Variants in TAT observed in about 807,000 individuals in gnomAD.
TAT encodes the protein tyrosine aminotransferase.
Under a neutral mutation model 53.6 loss-of-function variants are expected in TAT, and 35 were observed. The ratio of observed to expected loss-of-function variants is 0.65; its 90% confidence interval spans 0.50 to 0.87. The LOEUF (loss-of-function observed/expected upper bound fraction) is 0.87. Among genes scored for constraint, TAT ranks in the 40% least tolerant of loss-of-function variants. The pLI, the probability that TAT is intolerant of heterozygous loss-of-function variation, is 0.00. For synonymous variants in TAT, 197 were observed against 206.5 expected (o/e 0.95, Z 0.39); for missense variants, 525 against 571.8 (o/e 0.92, Z 0.83).
rs966154658 is a variant in TAT, at chr16:71,570,741, C to T, written c.850G>A (p.Val284Ile). Residue 284 changes from valine (V) to isoleucine (I), a missense_variant, in exon 8 of 12, where the codon GTT (valine) becomes ATT (isoleucine). Coordinates refer to ENST00000355962, the MANE Select transcript of TAT (RefSeq NM_000353.3). Reference protein sequence around the residue: ...SCGGLAKRWLVPGWRLGWILI... With the variant: ...SCGGLAKRWLIPGWRLGWILI... ...ATCCAGCCCAACCTCCAGCCAGGAA[C>T]CAGCCAGCGCTTGGCCAGCCCTCCA... is the stretch of plus-strand genomic sequence containing the variant. 1.2e-6 allele frequency: 2 copies of T among 1,614,102 alleles called. No homozygotes were observed. The highest frequency in any genetic ancestry group is 1.3e-5 in the African/African-American group (1 of 74,926).
intron 5 of TAT, 34 bp downstream of exon 5, chr16:71,572,496 G>C: frequency 6.2e-7 from 1 of 1,613,870 alleles, no homozygotes; most frequent in Non-Finnish European, 8.5e-7. Flanking sequence ...GTTAGTAACT[G>C]AGCATTTGAG....
Position 71,573,557 on chromosome 16 carries a change from C to A in TAT, c.390G>T (p.Glu130Asp). 1.3e-6 allele frequency: 2 copies of A among 1,554,788 alleles called. No homozygotes were observed. Among genetic ancestry groups the A allele is most frequent in the Non-Finnish European group, 1.7e-6 (2 of 1,148,472 alleles). ...EEIASYYHCP[E>D]APLEAKDVIL... ...GGCTCACCTTAGCTTCTAGGGGTGC[C>A]TCAGGACAGTGGTAATAAGAAGCAA... The change falls in exon 4 of 12, where the codon GAG (glutamate) becomes GAT (aspartate). Residue 130 changes from glutamate (E) to aspartate (D), a missense_variant. Transcript: ENST00000355962.
chr16:71,569,790 G>A, intron 10 of TAT, 64 bp downstream of exon 10: 2 of 1,496,400 alleles, frequency 1.3e-6, no homozygotes, highest in South Asian at 1.2e-5. Flanking sequence ...TGGCAATTCT[G>A]CTGAATGACT....
intron 1 of TAT, 148 bp downstream of exon 1, chr16:71,576,861 G>C: frequency 4.1e-6 from 1 of 242,220 alleles, no homozygotes; most frequent in Non-Finnish European, 8.1e-6. Flanking sequence ...GAAGTTCCAT[G>C]TAAATATCAT....
rs1232551419 is a variant in TAT, at chr16:71,569,897, G to C, written c.1082C>G (p.Pro361Arg). Residue 361 changes from proline (P) to arginine (R), a missense_variant, in exon 10 of 12, where the codon CCT becomes CGT. Transcript: ENST00000355962. The stretch of plus-strand genomic sequence containing the variant: ...AGAAGGGCGGACTGGCCGGAGTCCA[G>C]GGATGGCAGCCAACGCCCCATAACA... ...DLCYGALAAI[P>R]GLRPVRPSGA... is the part of the protein sequence containing the mutation. 3.7e-6 allele frequency: 6 copies of C among 1,613,996 alleles called. No homozygotes were observed. In the South Asian group the frequency reaches 6.6e-5, roughly 18 times the overall value.
At chr16:71,572,465 A>G in intron 5 of TAT, 65 bp downstream of exon 5, 19 of 1,610,004 alleles carry the variant, frequency 1.2e-5, no homozygotes, top group Non-Finnish European at 1.6e-5. Flanking sequence ...TGCTGAAGTA[A>G]TGTTCATATA....
intron 2 of TAT, 53 bp from the exon 3 acceptor site, chr16:71,576,079 C>G: frequency 6.2e-7 from 1 of 1,610,344 alleles, no homozygotes; most frequent in South Asian, 1.1e-5. Flanking sequence ...CTCCCATGTT[C>G]AGTACTCAGA....
chr16:71,572,595 C>G lies in TAT; in HGVS notation c.502G>C (p.Gly168Arg). ...GCCAGAGTCTTGTAGAGAGAGAAAC[C>G]AGGTCTTGGAACCAGGATGTTTTGC... is the stretch of plus-strand genomic sequence containing the variant. ...PGQNILVPRP[G>R]FSLYKTLAES... Residue 168 changes from glycine (G) to arginine (R), a missense_variant, in exon 5 of 12, where the codon GGT (glycine) becomes CGT (arginine). Transcript: ENST00000355962. The G allele has an allele frequency of 6.2e-7, 1 of 1,614,194 alleles. No individual in the cohort carries two copies. The highest frequency in any genetic ancestry group is 8.5e-7 in the Non-Finnish European group (1 of 1,180,042).
intron 6 of TAT, 142 bp downstream of exon 6, chr16:71,572,044 C>T (rs1199147895): frequency 2.9e-6 from 3 of 1,029,976 alleles, no homozygotes; most frequent in African/African-American, 1.6e-5. Context: ...TCCTATGGCA[C>T]AGTATTGATG....
At position 71,566,638 on chromosome 16, in the gene TAT, G is replaced by A. The variant is rs2044164989; in HGVS notation, c.*1506C>T. On this transcript the variant is annotated 3_prime_UTR_variant, in exon 12 of 12. Transcript: ENST00000355962. Reference sequence around the variant, plus strand: ...TGAAAATGTAAAGACAAAGGCCAGAGGTTATAACTTACTGCCTCTTGGTAA... The same window carrying A: ...TGAAAATGTAAAGACAAAGGCCAGAAGTTATAACTTACTGCCTCTTGGTAA... The A allele has an allele frequency of 6.6e-6, 1 of 152,094 alleles. No individual in the cohort carries two copies. The highest frequency in any genetic ancestry group is 1.5e-5 in the Non-Finnish European group (1 of 68,030). The allele number at this position is 152,094 out of a possible 1,614,324, so 9.4% of individuals were successfully genotyped here.
rs1203555924 is a variant in TAT at position 71,567,378 on chromosome 16, C to T, written c.*766G>A. 6.6e-6 allele frequency: 1 copy of T among 152,066 alleles called. No homozygotes were observed. Among genetic ancestry groups the T allele is most frequent in the Non-Finnish European group, 1.5e-5 (1 of 68,130 alleles). 9.4% of individuals were successfully genotyped at this position (152,066 alleles called of 1,614,324 possible). A position where few individuals can be genotyped will look rare whatever the true frequency, so the allele number is the denominator to read the frequency against. On this transcript the variant is annotated 3_prime_UTR_variant, in exon 12 of 12. Coordinates refer to ENST00000355962, the MANE Select transcript of TAT (RefSeq NM_000353.3). The stretch of plus-strand genomic sequence containing the variant: ...GAGCCGAGATCGCGCCACTGCACTC[C>T]AGCATGGGCGACAGAGCAAGACTCC...
At chr16:71,570,182 A>G in intron 9 of TAT, 87 bp downstream of exon 9, 1 of 1,599,618 alleles carries the variant, frequency 6.3e-7, no homozygotes, top group Non-Finnish European at 8.5e-7. Context: ...ACATGGCTCC[A>G]GAAAGGAGAA....
intron 3 of TAT, among the ~76,000 whole-genome samples, chr16:71,574,159 T>C (rs1300797832): frequency 2.2e-4 from 34 of 152,274 alleles, no homozygotes; most frequent in Admixed American, 2.2e-3. Context: ...AGCACGAATG[T>C]ATAAATGATA....
At chr16:71,574,521 C>T (rs1195188227) in intron 3 of TAT, among the ~76,000 whole-genome samples, 2 of 133,826 alleles carry the variant, frequency 1.5e-5, no homozygotes, top group Non-Finnish European at 3.1e-5. Flanking sequence ...GCGGAGGTTG[C>T]GGTGAGCCAA....
rs1482514503 is a variant in TAT, at chr16:71,566,353, A to C, written c.*1791T>G. ...AAATTTCCCTTGGTGAGAAATCTCT[A>C]GACTAGTTATGATAGATTCCTAACC... On this transcript the variant is annotated 3_prime_UTR_variant, in exon 12 of 12. Transcript: ENST00000355962. 6.6e-6 allele frequency: 1 copy of C among 151,798 alleles called. No homozygotes were observed. The highest frequency in any genetic ancestry group is 1.5e-5 in the Non-Finnish European group (1 of 67,966). The allele number at this position is 151,798 out of a possible 1,614,324, so 9.4% of individuals were successfully genotyped here.
At chr16:71,572,046 G>A (rs1381080358) in intron 6 of TAT, 140 bp downstream of exon 6, 6 of 1,052,804 alleles carry the variant, frequency 5.7e-6, no homozygotes, top group South Asian at 1.3e-5. Context: ...CTATGGCACA[G>A]TATTGATGAG....
At chr16:71,571,851 A>G (rs1361678558) in intron 6 of TAT, among the ~76,000 whole-genome samples, 193 bp from the exon 7 acceptor site, 1 of 152,256 alleles carries the variant, frequency 6.6e-6, no homozygotes, top group Non-Finnish European at 1.5e-5. Flanking sequence ...TAAGAACTGT[A>G]AATTCTTAAC....
intron 7 of TAT, among the ~76,000 whole-genome samples, chr16:71,571,062 G>A (rs552805637): frequency 5.3e-5 from 8 of 152,182 alleles, no homozygotes; most frequent in Admixed American, 2.0e-4. Flanking sequence ...TGAGGAAACT[G>A]ACCCTAGCCC....
chr16:71,568,464 G>A, intron 11 of TAT, 180 bp from the exon 12 acceptor site: 1 of 698,332 alleles, frequency 1.4e-6, no homozygotes. Context: ...AAAATGACTT[G>A]TGGGACAGGA....
Sources: gnomAD v4.1 joint callset for allele counts (sites outside exome capture counted in the v4.1 genomes callset) on GRCh38, gnomAD v4.1.1 for gene constraint, MANE v1.5 for transcripts, NCBI Gene and HGNC (gene_info 2026-07-23, HGNC 2026-07-21) for gene names.